DDX46: variants seen among roughly 807,000 people sequenced by gnomAD.
DDX46 encodes DEAD-box helicase 46, also known as probable ATP-dependent RNA helicase DDX46.
A neutral mutation model predicts 134.9 loss-of-function variants in DDX46; 30 were observed. The observed-to-expected ratio is 0.22, with a 90% CI of 0.17 to 0.30. DDX46 has a LOEUF of 0.30. Among genes scored for constraint, DDX46 ranks in the 10% least tolerant of loss-of-function variants. The pLI, the probability that DDX46 is intolerant of heterozygous loss-of-function variation, is 1.00. For synonymous variants in DDX46, 415 were observed against 404.1 expected (o/e 1.03, Z -0.32); for missense variants, 622 against 1,248.7 (o/e 0.50, Z 7.56).
chr5:134,767,950 CA>C (rs944000653), intron 3 of DDX46, among the ~76,000 whole-genome samples: 166 of 114,882 alleles, frequency 1.4e-3, no homozygotes, highest in African/African-American at 3.8e-3. Flanking sequence ...AACTCCTTCT[CA>C]AAAAAAAAAA....
chr5:134,805,990 A>T lies in DDX46; in HGVS notation c.1955-1758A>T, dbSNP rs1444180019. Among the ~76,000 whole-genome samples, 4 of 151,904 alleles carry T rather than the reference A, an allele frequency of 2.6e-5. No individual in the cohort carries two copies. The South Asian group carries it at 8.3e-4, about 32-fold the overall frequency. On this transcript the variant is annotated intron_variant, in intron 15 of 22. Transcript: ENST00000452510. ...TTTCAGCACTTTGGGAGGTGGGCGG[A>T]TCACCCAAGGTCAGGAGTTCAAGAC...
intron 13 of DDX46, among the ~76,000 whole-genome samples, chr5:134,791,149 A>C (rs1381287889): frequency 6.6e-6 from 1 of 152,208 alleles, no homozygotes; most frequent in African/African-American, 2.4e-5. Flanking sequence ...CTTTTAATTC[A>C]TGCTTTTAGA....
chr5:134,810,555 C>G, intron 16 of DDX46, among the ~76,000 whole-genome samples: 1 of 151,058 alleles, frequency 6.6e-6, no homozygotes, highest in Non-Finnish European at 1.5e-5. Flanking sequence ...GTTGGTCAGG[C>G]TGGTCTCGAC....
intron 15 of DDX46, among the ~76,000 whole-genome samples, chr5:134,797,999 A>G (rs1240583883): frequency 6.6e-6 from 1 of 151,280 alleles, no homozygotes; most frequent in African/African-American, 2.4e-5. Flanking sequence ...TTTAGTAGAG[A>G]CGGAGTTTCT....
intron 15 of DDX46, among the ~76,000 whole-genome samples, chr5:134,801,759 G>T (rs2150151912): frequency 6.6e-6 from 1 of 152,156 alleles, no homozygotes; most frequent in East Asian, 1.9e-4. Context: ...CACTGTTTGT[G>T]TATCTGTTCA....
At position 134,766,763 on chromosome 5, in the gene DDX46, G is replaced by A. The variant is rs375152040; in HGVS notation, c.207-154G>A. Among the ~76,000 whole-genome samples, 226 of 152,040 alleles carry A rather than the reference G, an allele frequency of 1.5e-3. 7 individuals carry two copies. The South Asian group carries it at 0.044, about 29-fold the overall frequency. ...ATAAATTAGTATTCTCATTTTTTTC[G>A]TTGAGCACTTATAAGACTTGGCTTT... is the stretch of plus-strand genomic sequence containing the variant. On this transcript the variant is annotated intron_variant, in intron 2 of 22. Coordinates refer to ENST00000452510, the MANE Select transcript of DDX46 (RefSeq NM_001300860.2).
intron 2 of DDX46, 126 bp downstream of exon 2, chr5:134,764,218 C>A: frequency 1.2e-6 from 1 of 863,316 alleles, no homozygotes; most frequent in Non-Finnish European, 1.7e-6. Context: ...TTTCTTTATC[C>A]CCTACTTGTT....
intron 19 of DDX46, chr5:134,816,832 G>A (rs1028761892): frequency 4.1e-6 from 2 of 484,476 alleles, no homozygotes; most frequent in Non-Finnish European, 7.3e-6. Context: ...GTTAGCCACT[G>A]GTAGTTTTAT....
intron 4 of DDX46, among the ~76,000 whole-genome samples, chr5:134,772,271 C>T (rs1234115543): frequency 6.6e-6 from 1 of 151,982 alleles, no homozygotes; most frequent in African/African-American, 2.4e-5. Flanking sequence ...TGCCTGTAAT[C>T]TCAGCAGTTC....
chr5:134,780,317 A>G (rs1286090883), intron 6 of DDX46, among the ~76,000 whole-genome samples: 1 of 150,486 alleles, frequency 6.6e-6, no homozygotes, highest in Non-Finnish European at 1.5e-5. Flanking sequence ...TCATCTCAGC[A>G]CTTTTGCAGG....
chr5:134,823,605 A>G (rs1359319396), intron 21 of DDX46, among the ~76,000 whole-genome samples: 2 of 152,198 alleles, frequency 1.3e-5, no homozygotes, highest in Non-Finnish European at 2.9e-5. Flanking sequence ...ATCTATTTGA[A>G]GTCAGGTTTA....
chr5:134,795,909 C>A, intron 14 of DDX46, 79 bp from the exon 15 acceptor site: 3 of 1,302,416 alleles, frequency 2.3e-6, no homozygotes, highest in Non-Finnish European at 3.2e-6. Context: ...TCATTCACTA[C>A]AAATAAAATG....
At chr5:134,802,080 A>C (rs981215441) in intron 15 of DDX46, among the ~76,000 whole-genome samples, 1 of 143,764 alleles carries the variant, frequency 7.0e-6, no homozygotes, top group Admixed American at 6.9e-5. Flanking sequence ...TGACTTTTTG[A>C]TATTGTCTCA....
Position 134,773,733 on chromosome 5 carries a change from A to G in DDX46, c.485A>G (p.Lys162Arg), listed in dbSNP as rs1753846175. ...AATAAGCTGGAAGAAGAAATGAGAAAGCGAAAAGAAAGAGTAGAAAAATGG... is the reference window on the plus strand; with the variant it reads ...AATAAGCTGGAAGAAGAAATGAGAAGGCGAAAAGAAAGAGTAGAAAAATGG... ...DQNKLEEEMR[K>R]RKERVEKWRE... The change falls in exon 5 of 23, where the codon AAG becomes AGG. Residue 162 changes from lysine (K) to arginine (R), a missense_variant. Transcript: ENST00000452510. 1 of 1,611,200 alleles carries G rather than the reference A, an allele frequency of 6.2e-7. No individual in the cohort carries two copies.
Position 134,816,506 on chromosome 5 carries a change from T to G in DDX46, c.2513T>G (p.Val838Gly). Residue 838 changes from valine (V) to glycine (G), a missense_variant, in exon 19 of 23, where the codon GTT becomes GGT. Coordinates refer to ENST00000452510, the MANE Select transcript of DDX46 (RefSeq NM_001300860.2). ...KDMAAPGTSS[V>G]PAPTAGNAEK... ...ATGGCTGCTCCTGGAACATCAAGTG[T>G]TCCTGCTCCAACTGCAGGAAATGCT... is the stretch of plus-strand genomic sequence containing the variant. 1 of 1,614,094 alleles carries G rather than the reference T, an allele frequency of 6.2e-7. No individual in the cohort carries two copies. The highest frequency in any genetic ancestry group is 8.5e-7 in the Non-Finnish European group (1 of 1,180,002).
At chr5:134,806,056 T>C (rs1754978696) in intron 15 of DDX46, among the ~76,000 whole-genome samples, 1 of 151,830 alleles carries the variant, frequency 6.6e-6, no homozygotes, top group African/African-American at 2.4e-5. Flanking sequence ...CTACTAAAGA[T>C]ACAAAAATTA....
intron 4 of DDX46, 72 bp downstream of exon 4, chr5:134,771,071 CTCTTTCTT>C (rs35505581): frequency 4.8e-6 from 3 of 618,722 alleles, no homozygotes; most frequent in Admixed American, 3.6e-5. Flanking sequence ...CTTTCTTTCC[CTCTTTCTT>C]TCTTTCTTTC....
chr5:134,773,365 ATTACT>A (rs1308318229), intron 4 of DDX46, among the ~76,000 whole-genome samples: 11 of 152,230 alleles, frequency 7.2e-5, no homozygotes, highest in African/African-American at 2.7e-4. Context: ...TTGCTTGCTA[ATTACT>A]TTAGTTTCTG....
intron 6 of DDX46, 31 bp from the exon 7 acceptor site, chr5:134,781,102 C>A: frequency 1.3e-6 from 2 of 1,501,802 alleles, no homozygotes; most frequent in Non-Finnish European, 1.8e-6. Flanking sequence ...TTCAGCTTTG[C>A]AAAATATTCT....
Sources: allele counts gnomAD v4.1 joint callset (sites outside exome capture counted in the v4.1 genomes callset), GRCh38; gene constraint gnomAD v4.1.1; transcripts MANE v1.5; gene names NCBI Gene and HGNC (gene_info 2026-07-23, HGNC 2026-07-21).